FBXL22: variants seen among roughly 807,000 people sequenced by gnomAD.
FBXL22 encodes the protein F-box and leucine rich repeat protein 22.
Under a neutral mutation model 11.7 loss-of-function variants are expected in FBXL22, and 13 were observed. The observed-to-expected ratio is 1.11, with a 90% CI of 0.73 to 1.77. The LOEUF (loss-of-function observed/expected upper bound fraction) is 1.77. Among genes scored for constraint, FBXL22 ranks in the 40% most tolerant of loss-of-function variants. The pLI is 0.00. For synonymous variants in FBXL22, 160 were observed against 144.1 expected, an observed-to-expected ratio of 1.11 and a Z score of -0.79; for missense variants, 406 against 320.4, an observed-to-expected ratio of 1.27 and a Z score of -2.04.
At chr15:63,599,775 C>T (rs1310209592) in intron 1 of FBXL22, 2 of 986,194 alleles carry the variant, frequency 2.0e-6, no homozygotes, top group African/African-American at 3.5e-5. Context: ...AAGGCCCCGG[C>T]CCATTAGTCG....
chr15:63,606,287 G>A (rs768297675), downstream of FBXL22, among the ~76,000 whole-genome samples: 1 of 152,216 alleles, frequency 6.6e-6, no homozygotes, highest in African/African-American at 2.4e-5. Context: ...CAGAAGTCCT[G>A]GGCAAAGGCC....
At chr15:63,607,359 C>CA (rs1302789675), downstream of FBXL22, among the ~76,000 whole-genome samples, 1 of 152,180 alleles carries the variant, frequency 6.6e-6, no homozygotes, top group Non-Finnish European at 1.5e-5. Flanking sequence ...TCTCCTGGTC[C>CA]AGAGGCCCAG....
At chr15:63,604,984 A>G (rs1411423789), downstream of FBXL22, among the ~76,000 whole-genome samples, 1 of 152,116 alleles carries the variant, frequency 6.6e-6, no homozygotes, top group African/African-American at 2.4e-5. Context: ...CCCGGGAGAC[A>G]GTGGTTGCAG....
At chr15:63,604,994 G>C (rs1166914127), downstream of FBXL22, among the ~76,000 whole-genome samples, 1 of 152,194 alleles carries the variant, frequency 6.6e-6, no homozygotes, top group African/African-American at 2.4e-5. Flanking sequence ...AGTGGTTGCA[G>C]TGAGCCGAGA....
chr15:63,599,426 A>C, intron 1 of FBXL22: 1 of 1,361,050 alleles, frequency 7.3e-7, no homozygotes, highest in Non-Finnish European at 9.4e-7. Context: ...CAAATGAGGA[A>C]GTGACGCCCA....
At chr15:63,598,151 G>A (rs1203166733) in intron 1 of FBXL22, among the ~76,000 whole-genome samples, 2 of 152,138 alleles carry the variant, frequency 1.3e-5, no homozygotes, top group Non-Finnish European at 2.9e-5. Context: ...AACTACGGAG[G>A]AAAGAGAGGG....
Position 63,597,912 on chromosome 15 carries a change from CAAT to C in FBXL22, c.353+170_353+172del, listed in dbSNP as rs1214460598. On this transcript the variant is annotated intron_variant, in intron 1 of 1. Coordinates refer to ENST00000638704, the MANE Select transcript of FBXL22 (RefSeq NM_001367807.1). The surrounding 1 kb of genome is among the most constrained non-coding windows in gnomAD (Gnocchi z 4.3). ...CGCCCAAAGCAGGGTCCCCAGGAGA[CAAT>C]AAAATCATGAGGGAAACAATTGCTA... is the stretch of plus-strand genomic sequence containing the variant. Among the ~76,000 whole-genome samples the C allele has an allele frequency of 6.6e-6, 1 of 152,236 alleles. No homozygotes were observed. The highest frequency in any genetic ancestry group is 2.4e-5 in the African/African-American group (1 of 41,464).
At chr15:63,598,574 T>C (rs979873227) in intron 1 of FBXL22, among the ~76,000 whole-genome samples, 1 of 152,174 alleles carries the variant, frequency 6.6e-6, no homozygotes, top group African/African-American at 2.4e-5. Context: ...TCACTGAGCT[T>C]CTGCCAGTCC....
chr15:63,601,888 T>C, downstream of FBXL22: 1 of 708,230 alleles, frequency 1.4e-6, no homozygotes, highest in Non-Finnish European at 2.2e-6. Flanking sequence ...ACAAGCTAGA[T>C]TTTTCACCTG....
chr15:63,600,032 G>A, intron 1 of FBXL22: 1 of 985,718 alleles, frequency 1.0e-6, no homozygotes, highest in South Asian at 4.7e-5. Context: ...CAAGCTTTCT[G>A]GCCAAGCGAC....
rs571474365 is a variant in FBXL22 at position 63,599,706 on chromosome 15, CA to C, written c.354-990del. On this transcript the variant is annotated intron_variant, in intron 1 of 1. Coordinates refer to ENST00000638704, the MANE Select transcript of FBXL22 (RefSeq NM_001367807.1). Reference sequence around the variant, plus strand: ...GTCACGGAGCTGCGGGGGAGGCTGGCAGGGAAAGGGAAACGCTTCCCCAGCC... The same window carrying C: ...GTCACGGAGCTGCGGGGGAGGCTGGCGGGAAAGGGAAACGCTTCCCCAGCC... The C allele has an allele frequency of 1.5e-3, 1,521 of 987,040 alleles. 4 individuals carry two copies. Among genetic ancestry groups the C allele is most frequent in the Non-Finnish European group, 1.8e-3 (1,478 of 831,072 alleles). 61.1% of individuals were successfully genotyped at this position (987,040 alleles called of 1,614,324 possible). A position where few individuals can be genotyped will look rare whatever the true frequency, so the allele number is the denominator to read the frequency against.
downstream of FBXL22, among the ~76,000 whole-genome samples, chr15:63,604,932 ATCCCAGCTACT>A (rs2152689358): frequency 6.6e-6 from 1 of 152,250 alleles, no homozygotes; most frequent in African/African-American, 2.4e-5. Flanking sequence ...GGTGCCTGTA[ATCCCAGCTACT>A]TGGGAGGCTG....
chr15:63,600,802 G>A lies in FBXL22; in HGVS notation c.459G>A (p.Leu153=). 1.6e-6 allele frequency: 2 copies of A among 1,231,076 alleles called. No homozygotes were observed. The highest frequency in any genetic ancestry group is 1.6e-5 in the African/African-American group (1 of 64,510). 76.3% of individuals were successfully genotyped at this position (1,231,076 alleles called of 1,614,324 possible). The change falls in exon 2 of 2, where the codon CTG becomes CTA. Residue 153 remains leucine (L), a synonymous_variant. Coordinates refer to ENST00000638704, the MANE Select transcript of FBXL22 (RefSeq NM_001367807.1). Reference sequence around the variant, plus strand: ...GCCCACGCCTGCGCGCACTGCGCCTGGAGAACTGCGCGCGCGTCACCAACC... The same window carrying A: ...GCCCACGCCTGCGCGCACTGCGCCTAGAGAACTGCGCGCGCGTCACCAACC... The part of the protein sequence containing the change: ...RCCPRLRALR[L]ENCARVTNRT...
downstream of FBXL22, chr15:63,601,583 G>A: frequency 6.4e-7 from 1 of 1,568,742 alleles, no homozygotes; most frequent in Non-Finnish European, 8.6e-7. Flanking sequence ...GGGAAGCAGG[G>A]GCGCACGGGC....
At chr15:63,600,502 G>A (rs1441506232) in intron 1 of FBXL22, 195 bp from the exon 2 acceptor site, 5 of 1,227,220 alleles carry the variant, frequency 4.1e-6, no homozygotes, top group East Asian at 6.3e-5. Flanking sequence ...GTACGGTGGG[G>A]TGCAGGGGCA....
downstream of FBXL22, chr15:63,601,475 G>A (rs758165645): frequency 1.3e-6 from 2 of 1,558,606 alleles, no homozygotes. Context: ...GGGAGCCTCC[G>A]GGCGGAGCGA....
chr15:63,608,248 C>G, the FBXL22 span, among the ~76,000 whole-genome samples: 2 of 152,194 alleles, frequency 1.3e-5, no homozygotes, highest in Non-Finnish European at 2.9e-5. Context: ...GATGGCATTA[C>G]TGTGGTCCTC....
At chr15:63,602,583 C>T (rs1009513514), downstream of FBXL22, among the ~76,000 whole-genome samples, 3 of 69,540 alleles carry the variant, frequency 4.3e-5, no homozygotes, top group Non-Finnish European at 8.2e-5. Context: ...AGACTCTTGT[C>T]TCAAAAAAAA....
downstream of FBXL22, among the ~76,000 whole-genome samples, chr15:63,603,822 C>T (rs763937792): frequency 7.2e-5 from 11 of 152,142 alleles, no homozygotes; most frequent in Non-Finnish European, 1.6e-4. Flanking sequence ...AGTGGCAGGA[C>T]TCTGCTACTA....
Sources: gnomAD v4.1 joint callset for allele counts (sites outside exome capture counted in the v4.1 genomes callset) on GRCh38, gnomAD v4.1.1 for gene constraint, Gnocchi (gnomAD v3.1) non-coding constraint, MANE v1.5 for transcripts, NCBI Gene and HGNC (gene_info 2026-07-23, HGNC 2026-07-21) for gene names.